Variants in KIFC2 observed in about 807,000 individuals in gnomAD.
KIFC2 encodes kinesin family member C2.
A neutral mutation model predicts 91.5 loss-of-function variants in KIFC2; 94 were observed. The ratio of observed to expected loss-of-function variants is 1.03; its 90% confidence interval spans 0.87 to 1.22. The LOEUF is 1.22. Ranked by LOEUF, KIFC2 falls within the 50% of genes most tolerant of loss-of-function variation. The pLI, the probability that KIFC2 is intolerant of heterozygous loss-of-function variation, is 0.00. For synonymous variants in KIFC2, 729 were observed against 503.9 expected, an observed-to-expected ratio of 1.45 and a Z score of -5.98; for missense variants, 1,357 against 1,103.3, an observed-to-expected ratio of 1.23 and a Z score of -3.26.
intron 12 of KIFC2, among the ~76,000 whole-genome samples, chr8:144,469,978 T>C (rs1824863613): frequency 6.6e-6 from 1 of 152,242 alleles, no homozygotes; most frequent in African/African-American, 2.4e-5. Context: ...CTTCTAGTCT[T>C]AGTGTGCTCT....
At chr8:144,467,825 C>A in intron 6 of KIFC2, 34 bp from the exon 7 acceptor site, 1 of 1,613,454 alleles carries the variant, frequency 6.2e-7, no homozygotes, top group African/African-American at 1.3e-5. Flanking sequence ...GGAGGGGGTG[C>A]TTCAGGTGAG....
rs371998131 is a variant in KIFC2, at chr8:144,468,292, C to T, written c.811-37C>T. On this transcript the variant is annotated intron_variant, in intron 7 of 17. Coordinates refer to ENST00000645548, the MANE Select transcript of KIFC2 (RefSeq NM_001369769.2). ...CTGTGAAATGGTACCACAGACCGTC[C>T]CTCTCTGAGTCCCTCCTGGCCCCCA... is the stretch of plus-strand genomic sequence containing the variant. 40 of 1,552,930 alleles carry T rather than the reference C, an allele frequency of 2.6e-5. No homozygotes were observed. The Middle Eastern group carries it at 5.0e-4, about 20-fold the overall frequency.
Position 144,472,603 on chromosome 8 carries a change from G to A in KIFC2, c.1758G>A (p.Arg586=), listed in dbSNP as rs199993291. ...TGCTGAAACTGGGGAGGAGCAACCG[G>A]GCCACCGCCGCCACCGCCATGAACC... ...HQMLKLGRSN[R]ATAATAMNQR... Residue 586 remains arginine, a synonymous_variant, in exon 16 of 18, where the codon CGG becomes CGA. Coordinates refer to ENST00000645548, the MANE Select transcript of KIFC2 (RefSeq NM_001369769.2). 2.0e-4 allele frequency: 315 copies of A among 1,607,218 alleles called. 4 individuals carry two copies. In the African/African-American group the frequency reaches 3.9e-3, roughly 20 times the overall value.
Position 144,472,582 on chromosome 8 carries a change from G to A in KIFC2, c.1737G>A (p.Leu579=). ...CCCTTCGCCCCGCCTTCCAGATGCT[G>A]AAACTGGGGAGGAGCAACCGGGCCA... ...VPNLETLHQM[L]KLGRSNRATA... is the part of the protein sequence containing the mutation. Residue 579 remains leucine (L), a synonymous_variant, in exon 16 of 18, where the codon CTG becomes CTA. Coordinates refer to ENST00000645548, the MANE Select transcript of KIFC2 (RefSeq NM_001369769.2). 1.2e-6 allele frequency: 2 copies of A among 1,610,752 alleles called. No homozygotes were observed. The highest frequency in any genetic ancestry group is 1.7e-6 in the Non-Finnish European group (2 of 1,179,814).
intron 12 of KIFC2, among the ~76,000 whole-genome samples, chr8:144,469,896 A>G (rs2130001299): frequency 6.6e-6 from 1 of 152,326 alleles, no homozygotes; most frequent in South Asian, 2.1e-4. Flanking sequence ...TTGCCCAGCT[A>G]TGAGGGCCCC....
chr8:144,469,468 G>A (rs1564748488), intron 11 of KIFC2, 22 bp from the exon 12 acceptor site: 8 of 1,613,764 alleles, frequency 5.0e-6, no homozygotes, highest in East Asian at 4.5e-5. Context: ...GAGGCATTAT[G>A]CTGACCTGAT....
intron 1 of KIFC2, 115 bp downstream of exon 1, chr8:144,466,633 A>G: frequency 1.1e-5 from 10 of 876,464 alleles, no homozygotes; most frequent in Non-Finnish European, 1.5e-5. Context: ...CGTGCCGAGG[A>G]CCCTCGGCTC....
Position 144,473,912 on chromosome 8 carries a change from G to C in KIFC2, c.*523G>C, listed in dbSNP as rs1218941113. 3 of 428,504 alleles carry C rather than the reference G, an allele frequency of 7.0e-6. No individual in the cohort carries two copies. Among genetic ancestry groups the C allele is most frequent in the African/African-American group, 4.0e-5 (2 of 50,108 alleles). 26.5% of individuals were successfully genotyped at this position (428,504 alleles called of 1,614,324 possible). A position where few individuals can be genotyped will look rare whatever the true frequency, so the allele number is the denominator to read the frequency against. On this transcript the variant is annotated 3_prime_UTR_variant, in exon 18 of 18. Transcript: ENST00000645548. Reference sequence around the variant, plus strand: ...CTCTCCCTCCCCCAGCCTGGAGCACGGGAGGGGAGGTGACGGCTGGTGACT... The same window carrying C: ...CTCTCCCTCCCCCAGCCTGGAGCACCGGAGGGGAGGTGACGGCTGGTGACT...
Position 144,472,002 on chromosome 8 carries a change from T to C in KIFC2, c.1441T>C (p.Phe481Leu). The C allele has an allele frequency of 1.9e-6, 3 of 1,613,562 alleles. No individual in the cohort carries two copies. ...SCLRGYSVCI[F>L]TYGQTGTGKT... is the part of the protein sequence containing the mutation. ...CCTCCGAGGCTACAGCGTCTGCATC[T>C]TCACCTATGGCCAGACAGGCACCGG... The change falls in exon 13 of 18, where the codon TTC (phenylalanine) becomes CTC (leucine). Residue 481 changes from phenylalanine to leucine, a missense_variant. By Grantham distance (22) the Phe-to-Leu change is conservative. Coordinates refer to ENST00000645548, the MANE Select transcript of KIFC2 (RefSeq NM_001369769.2).
chr8:144,468,860 C>T (rs929395997), intron 10 of KIFC2, 26 bp downstream of exon 10: 33 of 1,577,576 alleles, frequency 2.1e-5, no homozygotes, highest in Non-Finnish European at 2.8e-5. Flanking sequence ...CGCCTAGCCC[C>T]TCCTCTCTGG....
chr8:144,468,601 G>A lies in KIFC2; in HGVS notation c.954G>A (p.Thr318=), dbSNP rs759403838. 1.7e-5 allele frequency: 28 copies of A among 1,612,728 alleles called. No homozygotes were observed. Among genetic ancestry groups the A allele is most frequent in the Admixed American group, 1.3e-4 (8 of 59,892 alleles). Residue 318 remains threonine (T), a synonymous_variant, in exon 9 of 18, where the codon ACG becomes ACA. Transcript: ENST00000645548. The part of the protein sequence containing the change: ...QGALQQLQQE[T]EQNCRRELQQ... ...CCCTCCAGCAGCTCCAGCAGGAGAC[G>A]GAGCAGAACTGCAGGCGTGAGCTAC...
Position 144,467,116 on chromosome 8 carries a change from C to G in KIFC2, c.330+6C>G. The G allele has an allele frequency of 6.2e-7, 1 of 1,605,598 alleles. No individual in the cohort carries two copies. The highest frequency in any genetic ancestry group is 8.5e-7 in the Non-Finnish European group (1 of 1,176,208). ...GCCCGGCGGACCTGGGCCAGGTGAG[C>G]GCGGCGGAGGGGGCTGCTGGCAGGT... is the stretch of plus-strand genomic sequence containing the variant. On this transcript the variant is annotated splice_donor_region_variant and intron_variant, in intron 3 of 17. Coordinates refer to ENST00000645548, the MANE Select transcript of KIFC2 (RefSeq NM_001369769.2).
In KIFC2 at chr8:144,466,751, C is replaced by T; in HGVS notation, c.100-9C>T. On this transcript the variant is annotated splice_polypyrimidine_tract_variant and intron_variant, in intron 1 of 17. Transcript: ENST00000645548. ...CCCCTCCTCAGGGGCGCCCCTGCCC[C>T]CTCCCTAGAGAGCCCGCAAGCCCCG... The T allele has an allele frequency of 1.3e-6, 2 of 1,524,052 alleles. No homozygotes were observed. The highest frequency in any genetic ancestry group is 1.8e-6 in the Non-Finnish European group (2 of 1,142,394). 94.4% of individuals were successfully genotyped at this position (1,524,052 alleles called of 1,614,324 possible).
Position 144,473,743 on chromosome 8 carries a change from C to T in KIFC2, c.*354C>T. 1 of 438,440 alleles carries T rather than the reference C, an allele frequency of 2.3e-6. No individual in the cohort carries two copies. The highest frequency in any genetic ancestry group is 4.0e-6 in the Non-Finnish European group (1 of 248,702). The allele number at this position is 438,440 out of a possible 1,614,324, so 27.2% of individuals were successfully genotyped here. ...AATCAGGCATGGCATTAAAACGTTG[C>T]AAATTCCTTTACTGTTATCCCCCCC... is the stretch of plus-strand genomic sequence containing the variant. On this transcript the variant is annotated 3_prime_UTR_variant, in exon 18 of 18. Coordinates refer to ENST00000645548, the MANE Select transcript of KIFC2 (RefSeq NM_001369769.2).
Position 144,473,204 on chromosome 8 carries a change from G to C in KIFC2, c.2191G>C (p.Glu731Gln). 6.3e-7 allele frequency: 1 copy of C among 1,587,154 alleles called. No individual in the cohort carries two copies. Among genetic ancestry groups the C allele is most frequent in the Non-Finnish European group, 8.6e-7 (1 of 1,167,662 alleles). ...LKFADRVGQVELGPARRRRVP... is the reference protein window; with the variant it reads ...LKFADRVGQVQLGPARRRRVP... ...GTTCGCCGACCGAGTGGGTCAAGTG[G>C]AGCTGGGGCCAGCCCGGCGCCGCAG... Residue 731 changes from glutamate to glutamine, a missense_variant, in exon 18 of 18, where the codon GAG (glutamate) becomes CAG (glutamine). Transcript: ENST00000645548.
chr8:144,470,164 ACT>A (rs1824872108), intron 12 of KIFC2, among the ~76,000 whole-genome samples: 1 of 152,200 alleles, frequency 6.6e-6, no homozygotes, highest in Non-Finnish European at 1.5e-5. Flanking sequence ...GCCAGGGGAG[ACT>A]AGGTAAGGGG....
At chr8:144,467,461 C>T (rs751908229) in intron 4 of KIFC2, 24 bp from the exon 5 acceptor site, 14 of 1,548,190 alleles carry the variant, frequency 9.0e-6, no homozygotes, top group Non-Finnish European at 1.2e-5. Flanking sequence ...CTCTTCAGTG[C>T]TAACTGGGCC....
rs780140693 is a variant in KIFC2, at chr8:144,466,455, C to T, written c.36C>T (p.Phe12=). 15 of 1,362,374 alleles carry T rather than the reference C, an allele frequency of 1.1e-5. No homozygotes were observed. Among genetic ancestry groups the T allele is most frequent in the Middle Eastern group, 4.0e-4 (2 of 5,032 alleles). The allele number at this position is 1,362,374 out of a possible 1,614,324, so 84.4% of individuals were successfully genotyped here. A position where few individuals can be genotyped will look rare whatever the true frequency, so the allele number is the denominator to read the frequency against. The stretch of plus-strand genomic sequence containing the variant: ...TTTACTCGTTGCTCATCTACATCTT[C>T]TACAGCCTCTTCCGCAGGGATGGTG... The part of the protein sequence containing the change: ...YAFYSLLIYI[F]YSLFRRDGGA... Residue 12 remains phenylalanine (F), a synonymous_variant, in exon 1 of 18, where the codon TTC becomes TTT. Transcript: ENST00000645548.
chr8:144,471,867 C>A, intron 12 of KIFC2, 75 bp from the exon 13 acceptor site: 2 of 1,369,470 alleles, frequency 1.5e-6, no homozygotes, highest in Non-Finnish European at 2.1e-6. Flanking sequence ...CTTCGTGGCA[C>A]TCCCCACCCC....
Sources: gnomAD v4.1 joint callset for allele counts (sites outside exome capture counted in the v4.1 genomes callset) on GRCh38, gnomAD v4.1.1 for gene constraint, MANE v1.5 for transcripts, NCBI Gene and HGNC (gene_info 2026-07-23, HGNC 2026-07-21) for gene names.